The following C6orf132 variants were observed in gnomAD, a reference collection of about 807,000 sequenced individuals.
C6orf132 encodes the protein chromosome 6 open reading frame 132.
Under a neutral mutation model 65.3 loss-of-function variants are expected in C6orf132, and 43 were observed. The observed-to-expected ratio is 0.66, with a 90% CI of 0.52 to 0.85. The LOEUF (loss-of-function observed/expected upper bound fraction) is 0.85. C6orf132 is among the 40% of genes least tolerant of loss of function. The probability of loss-of-function intolerance (pLI) is 0.00; values close to 1 mark genes in which losing one functional copy is unlikely to be tolerated. For missense variants in C6orf132, 1,488 were observed against 1,548.8 expected, an observed-to-expected ratio of 0.96 and a Z score of 0.66; for synonymous variants, 631 against 654.1, an observed-to-expected ratio of 0.96 and a Z score of 0.54.
chr6:42,114,133 GA>G (rs1766532087), intron 2 of C6orf132, among the ~76,000 whole-genome samples: 1 of 152,154 alleles, frequency 6.6e-6, no homozygotes, highest in African/African-American at 2.4e-5. Flanking sequence ...AAAGCACTTA[GA>G]AAACACATTA....
Position 42,104,732 on chromosome 6 carries a change from C to A in C6orf132, c.3180G>T (p.Ser1060=). Residue 1060 remains serine (S), a synonymous_variant, in exon 4 of 5, where the codon TCG becomes TCT. Transcript: ENST00000341865. The surrounding 1 kb of genome is among the most constrained non-coding windows in gnomAD (Gnocchi z 4.1). The stretch of plus-strand genomic sequence containing the variant: ...CGACGTACAGGCGCTTCTTTATGAG[C>A]GAGCGGCCCCCTCCCGAGAAGCGCT... ...GLERFSGGGR[S]LIKKRLYVGE... 1 of 1,526,390 alleles carries A rather than the reference C, an allele frequency of 6.6e-7. No homozygotes were observed. The allele number at this position is 1,526,390 out of a possible 1,614,324, so 94.6% of individuals were successfully genotyped here.
intron 3 of C6orf132, among the ~76,000 whole-genome samples, chr6:42,107,930 TCTGGCTGCCTC>T (rs1342399069): frequency 6.6e-6 from 1 of 152,152 alleles, no homozygotes; most frequent in Non-Finnish European, 1.5e-5. Context: ...CACTGATTCC[TCTGGCTGCCTC>T]CTGGCTGCGT....
At position 42,128,674 on chromosome 6, in the gene C6orf132, G is replaced by T. The variant is rs1766804920; in HGVS notation, c.250C>A (p.Leu84Met). The change falls in exon 2 of 5, where the codon CTG becomes ATG. Residue 84 changes from leucine to methionine, a missense_variant and splice_region_variant. Physicochemically the swap from Leu to Met is conservative, Grantham distance 15 (BLOSUM62 2). Transcript: ENST00000341865. ...CCTCAGAGCAGAACCGTACTCACCA[G>T]CGGAAGGAAGGTCAGCAGGGGCCGG... ...RVRPLLTFLP[L>M]NAQENHGLAV... 1.3e-6 allele frequency: 2 copies of T among 1,550,738 alleles called. No homozygotes were observed. The highest frequency in any genetic ancestry group is 2.4e-5 in the South Asian group (2 of 84,028).
Position 42,104,109 on chromosome 6 carries a change from A to G in C6orf132, c.3450-231T>C, listed in dbSNP as rs1360281667. ...CATGCCTAACAGCCTTTCACTCAGA[A>G]CTCTTTCACTCCTGGCCTGTGTCGG... On this transcript the variant is annotated intron_variant, in intron 4 of 4. Transcript: ENST00000341865. This position sits in a 1 kb window ranked among gnomAD's most constrained non-coding sequence, Gnocchi z 4.1. Among the ~76,000 whole-genome samples the G allele has an allele frequency of 1.3e-5, 2 of 151,438 alleles. No individual in the cohort carries two copies. Among genetic ancestry groups the G allele is most frequent in the Non-Finnish European group, 2.9e-5 (2 of 67,828 alleles).
chr6:42,104,578 G>A lies in C6orf132; in HGVS notation c.3334C>T (p.Pro1112Ser), dbSNP rs983889500. 2 of 1,324,372 alleles carry A rather than the reference G, an allele frequency of 1.5e-6. No individual in the cohort carries two copies. Among genetic ancestry groups the A allele is most frequent in the African/African-American group, 3.1e-5 (2 of 64,744 alleles). 82.0% of individuals were successfully genotyped at this position (1,324,372 alleles called of 1,614,324 possible). The change falls in exon 4 of 5, where the codon CCC becomes TCC. Residue 1112 changes from proline to serine, a missense_variant. Transcript: ENST00000341865. The surrounding 1 kb of genome is among the most constrained non-coding windows in gnomAD (Gnocchi z 4.1). ...RRVNSAGRAP[P>S]GGLHAPRLSL... The stretch of plus-strand genomic sequence containing the variant: ...AGCCTCGGCGCGTGCAGGCCTCCGG[G>A]GGGCGCGCGACCCGCCGAGTTCACG...
At chr6:42,128,225 C>T (rs1250938109) in intron 2 of C6orf132, among the ~76,000 whole-genome samples, 28 of 152,132 alleles carry the variant, frequency 1.8e-4, no homozygotes, top group Non-Finnish European at 1.5e-5. Context: ...GCACTGGCCA[C>T]AATGACACTC....
Position 42,105,115 on chromosome 6 carries a change from G to T in C6orf132, c.2797C>A (p.His933Asn). 2 of 1,536,990 alleles carry T rather than the reference G, an allele frequency of 1.3e-6. No homozygotes were observed. Among genetic ancestry groups the T allele is most frequent in the Non-Finnish European group, 1.7e-6 (2 of 1,146,852 alleles). The change falls in exon 4 of 5, where the codon CAC (histidine) becomes AAC (asparagine). Residue 933 changes from histidine to asparagine, a missense_variant. Transcript: ENST00000341865. ...TGGGGCTCTGGCTTTGTCCAGTTGT[G>T]CCTGCGGCTCAGCTCTGTGCCCTCT... ...DAEGTELSRR[H>N]NWTKPEPQAP... is the part of the protein sequence containing the mutation.
chr6:42,120,659 G>T (rs149510867), intron 2 of C6orf132, among the ~76,000 whole-genome samples: 1 of 151,512 alleles, frequency 6.6e-6, no homozygotes, highest in African/African-American at 2.4e-5. Flanking sequence ...ACGGAGTCTC[G>T]CTCTGTCACC....
intron 2 of C6orf132, among the ~76,000 whole-genome samples, chr6:42,115,901 C>CT (rs1294472315): frequency 0.032 from 3,988 of 125,956 alleles, 164 homozygotes; most frequent in African/African-American, 0.1. Flanking sequence ...TCAGCACTTT[C>CT]TTTTTTTTTT....
chr6:42,134,853 G>A (rs536345655), intron 1 of C6orf132, among the ~76,000 whole-genome samples: 96 of 151,512 alleles, frequency 6.3e-4, no homozygotes, highest in African/African-American at 2.3e-3. Flanking sequence ...TTAGCCAGGC[G>A]TGGTGGTGGG....
chr6:42,133,592 AG>A (rs780406162), intron 1 of C6orf132, among the ~76,000 whole-genome samples: 6 of 152,152 alleles, frequency 3.9e-5, no homozygotes, highest in Non-Finnish European at 8.8e-5. Context: ...GCAAGGCCTG[AG>A]CCCCAGATGG....
intron 2 of C6orf132, among the ~76,000 whole-genome samples, chr6:42,120,184 G>A (rs1050128137): frequency 1.6e-4 from 24 of 151,690 alleles, no homozygotes; most frequent in African/African-American, 5.6e-4. Context: ...AGCATGGGTG[G>A]AGGAAACTAC....
Position 42,103,693 on chromosome 6 carries a change from C to A in C6orf132, c.*68G>T, listed in dbSNP as rs1294316661. 10 of 1,071,108 alleles carry A rather than the reference C, an allele frequency of 9.3e-6. No homozygotes were observed. The East Asian group carries it at 9.7e-5, about 10-fold the overall frequency. 66.4% of individuals were successfully genotyped at this position (1,071,108 alleles called of 1,614,324 possible). Reference sequence around the variant, plus strand: ...CACCTGCTGTGTACCTCCCACCCCCCACAAGAAACAAGTGCCCAGATCCTT... The same window carrying A: ...CACCTGCTGTGTACCTCCCACCCCCAACAAGAAACAAGTGCCCAGATCCTT... On this transcript the variant is annotated 3_prime_UTR_variant, in exon 5 of 5. Coordinates refer to ENST00000341865, the MANE Select transcript of C6orf132 (RefSeq NM_001164446.3).
chr6:42,105,670 C>T lies in C6orf132; in HGVS notation c.2242G>A (p.Ala748Thr), dbSNP rs1454798768. 1 of 1,537,276 alleles carries T rather than the reference C, an allele frequency of 6.5e-7. No individual in the cohort carries two copies. Among genetic ancestry groups the T allele is most frequent in the Admixed American group, 2.0e-5 (1 of 51,008 alleles). ...SEATRLPTQGARSSAAFPPKT... is the reference protein window; with the variant it reads ...SEATRLPTQGTRSSAAFPPKT... ...GGTGGGAAGGCTGCAGATGAGCGGG[C>T]TCCCTGTGTGGGCAGCCTAGTGGCC... The change falls in exon 4 of 5, where the codon GCC (alanine) becomes ACC (threonine). Residue 748 changes from alanine (A) to threonine (T), a missense_variant. By Grantham distance (58) the Ala-to-Thr change is moderately conservative. Transcript: ENST00000341865.
rs1346016198 is a variant in C6orf132 at position 42,104,546 on chromosome 6, C to A, written c.3366G>T (p.Leu1122=). 1.6e-6 allele frequency: 2 copies of A among 1,248,946 alleles called. No homozygotes were observed. The highest frequency in any genetic ancestry group is 2.0e-6 in the Non-Finnish European group (2 of 998,568). 77.4% of individuals were successfully genotyped at this position (1,248,946 alleles called of 1,614,324 possible). Residue 1122 remains leucine (L), a synonymous_variant, in exon 4 of 5, where the codon CTG becomes CTT. Transcript: ENST00000341865. The surrounding 1 kb of genome is among the most constrained non-coding windows in gnomAD (Gnocchi z 4.1). The part of the protein sequence containing the change: ...PGGLHAPRLS[L]EGAARGAAEA... ...CCGCGGCGCCCCGGGCGGCGCCCTC[C>A]AGGGACAGCCTCGGCGCGTGCAGGC...
At chr6:42,120,008 C>T (rs888914904) in intron 2 of C6orf132, among the ~76,000 whole-genome samples, 4 of 151,600 alleles carry the variant, frequency 2.6e-5, no homozygotes, top group African/African-American at 7.3e-5. Flanking sequence ...GCAGGAGAAT[C>T]GCTTGAACCC....
chr6:42,120,616 G>C (rs1315730148), intron 2 of C6orf132, among the ~76,000 whole-genome samples: 1 of 149,596 alleles, frequency 6.7e-6, no homozygotes, highest in African/African-American at 2.5e-5. Flanking sequence ...ATAATAGTGT[G>C]TTTTTTGGGG....
At chr6:42,140,383 G>A (rs1767013807) in intron 1 of C6orf132, among the ~76,000 whole-genome samples, 1 of 152,252 alleles carries the variant, frequency 6.6e-6, no homozygotes, top group South Asian at 2.1e-4. Context: ...GTCTCCCCTT[G>A]AGGGAGGAAG....
At chr6:42,107,712 CAAGA>C in intron 3 of C6orf132, 129 bp from the exon 4 acceptor site, 1 of 1,146,564 alleles carries the variant, frequency 8.7e-7, no homozygotes. Context: ...TCCTGAACAC[CAAGA>C]GAGGGAGCAG....
Sources: allele counts gnomAD v4.1 joint callset (sites outside exome capture counted in the v4.1 genomes callset), GRCh38; gene constraint gnomAD v4.1.1; non-coding constraint Gnocchi (gnomAD v3.1); transcripts MANE v1.5; gene names NCBI Gene and HGNC (gene_info 2026-07-23, HGNC 2026-07-21).